CAV1: variants seen among roughly 807,000 people sequenced by gnomAD.
The protein encoded by CAV1 is caveolin 1.
A neutral mutation model predicts 16.5 loss-of-function variants in CAV1; 10 were observed. The observed-to-expected ratio is 0.61, with a 90% CI of 0.37 to 1.03. CAV1 has a LOEUF of 1.03. CAV1 is among the 50% of genes least tolerant of loss of function. The pLI is 0.01. For missense variants in CAV1, 212 were observed against 232.8 expected, an observed-to-expected ratio of 0.91 and a Z score of 0.58; for synonymous variants, 76 against 85.1, an observed-to-expected ratio of 0.89 and a Z score of 0.59.
chr7:116,555,542 G>GAGAGAGAAAGAAAGAAAGAA (rs1478856618), intron 2 of CAV1, among the ~76,000 whole-genome samples: 4 of 12,146 alleles, frequency 3.3e-4, no homozygotes, highest in Admixed American at 1.2e-3. Context: ...GAGAGAGAGA[G>GAGAGAGAAAGAAAGAAAGAA]AGAAAGAAAG....
intron 2 of CAV1, among the ~76,000 whole-genome samples, chr7:116,544,989 T>G (rs1794011976): frequency 6.6e-6 from 1 of 152,214 alleles, no homozygotes; most frequent in Non-Finnish European, 1.5e-5. Flanking sequence ...TCATAAATAT[T>G]GTATAAATGA....
chr7:116,533,068 G>A (rs1472393355), intron 2 of CAV1, among the ~76,000 whole-genome samples: 1 of 152,134 alleles, frequency 6.6e-6, no homozygotes, highest in East Asian at 1.9e-4. Context: ...AAGGCTGGGC[G>A]CAGTGACTCA....
chr7:116,527,064 A>T (rs1793579599), intron 2 of CAV1: 1 of 345,692 alleles, frequency 2.9e-6, no homozygotes, highest in African/African-American at 2.1e-5. Flanking sequence ...GTCTAGTGAC[A>T]GGTCCCCACT....
At chr7:116,539,706 C>T (rs1209503250) in intron 2 of CAV1, among the ~76,000 whole-genome samples, 2 of 152,048 alleles carry the variant, frequency 1.3e-5, no homozygotes, top group Non-Finnish European at 2.9e-5. Context: ...AATATATCCT[C>T]CTAAACCTTC....
chr7:116,561,184 C>T (rs1283644450), downstream of CAV1: 3 of 152,224 alleles, frequency 2.0e-5, no homozygotes, highest in Non-Finnish European at 4.4e-5. Context: ...GTTAAACAGT[C>T]AGCTTTATTA....
intron 1 of CAV1, chr7:116,525,398 A>C: frequency 1.4e-5 from 21 of 1,492,186 alleles, no homozygotes; most frequent in Non-Finnish European, 1.9e-5. Context: ...GGATGGGTCT[A>C]GGATGCTCCC....
intron 2 of CAV1, among the ~76,000 whole-genome samples, chr7:116,534,175 G>A (rs1226531106): frequency 1.3e-5 from 2 of 151,404 alleles, no homozygotes; most frequent in Non-Finnish European, 2.9e-5. Flanking sequence ...CCAAGATCAA[G>A]CCACTGAACT....
chr7:116,528,242 C>T (rs1241789472), intron 2 of CAV1, among the ~76,000 whole-genome samples: 1 of 152,010 alleles, frequency 6.6e-6, no homozygotes, highest in South Asian at 2.1e-4. Context: ...GTCAGAGAGG[C>T]CAACAGTGTG....
rs5886830 is a variant in CAV1 at position 116,546,697 on chromosome 7, C to CAAAAAAAAAAAAAAAAAAAAAAAAAA, written c.196-12232_196-12231insAAAAAAAAAAAAAAAAAAAAAAAAAA. 5.8e-4 allele frequency among the ~76,000 whole-genome samples: 51 copies of CAAAAAAAAAAAAAAAAAAAAAAAAAA among 88,394 alleles called. 2 individuals are homozygous for CAAAAAAAAAAAAAAAAAAAAAAAAAA. The highest frequency in any genetic ancestry group is 8.8e-4 in the East Asian group (3 of 3,404). The allele number at this position is 88,394 out of a possible 152,430, so 58.0% of individuals were successfully genotyped here. A position where few individuals can be genotyped will look rare whatever the true frequency, so the allele number is the denominator to read the frequency against. ...GGGCAACAAGAATGAGACTCTGTCA[C>CAAAAAAAAAAAAAAAAAAAAAAAAAA]AAAAAAAAAAAAAAAAAGTCTGCAG... On this transcript the variant is annotated intron_variant, in intron 2 of 2. Transcript: ENST00000341049.
intron 2 of CAV1, among the ~76,000 whole-genome samples, chr7:116,536,449 A>G (rs965407686): frequency 6.6e-6 from 1 of 152,232 alleles, no homozygotes; most frequent in African/African-American, 2.4e-5. Context: ...GACAGGCCAC[A>G]GTCAACCACA....
Position 116,525,084 on chromosome 7 carries a change from G to C in CAV1, c.22G>C (p.Asp8His), listed in dbSNP as rs1386992714. The C allele has an allele frequency of 6.2e-7, 1 of 1,614,062 alleles. No homozygotes were observed. Among genetic ancestry groups the C allele is most frequent in the Non-Finnish European group, 8.5e-7 (1 of 1,180,052 alleles). The change falls in exon 1 of 3, where the codon GAC (aspartate) becomes CAC (histidine). Residue 8 changes from aspartate to histidine, a missense_variant. Transcript: ENST00000341049. ...CAGCATGTCTGGGGGCAAATACGTA[G>C]ACTCGGAGGTAGGCATCCGTGGGGG... is the stretch of plus-strand genomic sequence containing the variant. MSGGKYVDSEGHLYTVPI... is the reference protein window; with the variant it reads MSGGKYVHSEGHLYTVPI...
intron 2 of CAV1, among the ~76,000 whole-genome samples, chr7:116,539,024 A>G (rs894354555): frequency 4.6e-5 from 7 of 152,088 alleles, no homozygotes; most frequent in African/African-American, 1.7e-4. Context: ...TTGGGTGGGG[A>G]CACAGCCAAA....
intron 2 of CAV1, among the ~76,000 whole-genome samples, chr7:116,554,003 T>G (rs905241377): frequency 3.9e-5 from 6 of 152,198 alleles, no homozygotes; most frequent in African/African-American, 1.2e-4. Flanking sequence ...TTCCTAAGCC[T>G]GAATTGCAAT....
intron 2 of CAV1, among the ~76,000 whole-genome samples, chr7:116,551,541 T>C (rs761555169): frequency 1.3e-5 from 2 of 152,198 alleles, no homozygotes; most frequent in Non-Finnish European, 1.5e-5. Flanking sequence ...CATTTTTCTG[T>C]AAACATGAAA....
intron 2 of CAV1, among the ~76,000 whole-genome samples, chr7:116,557,777 A>G (rs541155075): frequency 6.6e-6 from 1 of 152,054 alleles, no homozygotes; most frequent in South Asian, 2.1e-4. Context: ...TGACAGCAAC[A>G]GTCTCCCTGC....
chr7:116,549,415 C>A (rs1020824198), intron 2 of CAV1, among the ~76,000 whole-genome samples: 1 of 152,198 alleles, frequency 6.6e-6, no homozygotes, highest in Non-Finnish European at 1.5e-5. Flanking sequence ...CTTGAATTAT[C>A]CCCTTGTCAG....
At chr7:116,547,505 T>G (rs966369915) in intron 2 of CAV1, among the ~76,000 whole-genome samples, 4 of 152,224 alleles carry the variant, frequency 2.6e-5, no homozygotes, top group Non-Finnish European at 5.9e-5. Flanking sequence ...TGTGCACTCA[T>G]CAGCTGGGGC....
Position 116,560,111 on chromosome 7 carries a change from A to T in CAV1, c.*824A>T, listed in dbSNP as rs1050205017. On this transcript the variant is annotated 3_prime_UTR_variant, in exon 3 of 3. Transcript: ENST00000341049. Reference sequence around the variant, plus strand: ...CTGGTGAAGCTCACTTCTGGGCTTCATCTGGCAACATCTTTATCCGTAGTG... The same window carrying T: ...CTGGTGAAGCTCACTTCTGGGCTTCTTCTGGCAACATCTTTATCCGTAGTG... The T allele has an allele frequency of 9.0e-6, 3 of 332,224 alleles. No individual in the cohort carries two copies. Among genetic ancestry groups the T allele is most frequent in the Non-Finnish European group, 1.1e-5 (2 of 184,058 alleles). The allele number at this position is 332,224 out of a possible 1,614,324, so 20.6% of individuals were successfully genotyped here.
chr7:116,550,064 A>G (rs1311540770), intron 2 of CAV1, among the ~76,000 whole-genome samples: 1 of 152,182 alleles, frequency 6.6e-6, no homozygotes, highest in Non-Finnish European at 1.5e-5. Context: ...TCAATGTAAA[A>G]TATTATTCTG....
Sources: gnomAD v4.1 joint callset for allele counts (sites outside exome capture counted in the v4.1 genomes callset) on GRCh38, gnomAD v4.1.1 for gene constraint, MANE v1.5 for transcripts, NCBI Gene and HGNC (gene_info 2026-07-23, HGNC 2026-07-21) for gene names.